PDE4D: variants seen among roughly 807,000 people sequenced by gnomAD.
The protein encoded by PDE4D is phosphodiesterase 4D.
In PDE4D, 24 loss-of-function variants were observed where a neutral mutation model predicts 87.4. The observed-to-expected ratio is 0.27, with a 90% CI of 0.20 to 0.39. The LOEUF is 0.39. PDE4D is among the 10% of genes least tolerant of loss of function. The pLI, the probability that PDE4D is intolerant of heterozygous loss-of-function variation, is 1.00. For missense variants in PDE4D, 714 were observed against 1,041.0 expected (o/e 0.69, Z 4.32); for synonymous variants, 384 against 383.2 (o/e 1.00, Z -0.02).
intron 1 of PDE4D, among the ~76,000 whole-genome samples, chr5:59,416,149 C>A (rs1793572514): frequency 6.6e-6 from 1 of 152,216 alleles, no homozygotes; most frequent in Non-Finnish European, 1.5e-5. Flanking sequence ...AGAAAATGAA[C>A]AACTCAAATT....
At chr5:59,027,879 A>T (rs1756538952) in intron 6 of PDE4D, among the ~76,000 whole-genome samples, 1 of 151,998 alleles carries the variant, frequency 6.6e-6, no homozygotes, top group African/African-American at 2.4e-5. Context: ...CTACTGGGGT[A>T]TGGTAGCTTC....
chr5:59,930,327 G>A (rs1395493675), intron 3 of PDE4D, among the ~76,000 whole-genome samples: 1 of 152,124 alleles, frequency 6.6e-6, no homozygotes, highest in African/African-American at 2.4e-5. Flanking sequence ...CCAATGATAA[G>A]TGCCCTTAGA....
At chr5:59,392,234 T>C (rs1425919772) in intron 1 of PDE4D, among the ~76,000 whole-genome samples, 1 of 151,800 alleles carries the variant, frequency 6.6e-6, no homozygotes, top group Admixed American at 6.6e-5. Flanking sequence ...ACTCTTAATC[T>C]GGGTGGGCAC....
rs376346460 is a variant in PDE4D, at chr5:60,137,731, G to C, written c.42+47826C>G. Among the ~76,000 whole-genome samples, 14 of 152,204 alleles carry C rather than the reference G, an allele frequency of 9.2e-5. No homozygotes were observed. The South Asian group carries it at 2.9e-3, about 32-fold the overall frequency. Reference sequence around the variant, plus strand: ...GATTGCAACAATTTTCTGCCATTCTGTAGGCTGTTTACTCTGTTAATATTT... The same window carrying C: ...GATTGCAACAATTTTCTGCCATTCTCTAGGCTGTTTACTCTGTTAATATTT... On this transcript the variant is annotated intron_variant, in intron 2 of 16. Transcript: ENST00000502484.
chr5:59,118,967 T>A (rs531188154), intron 5 of PDE4D, among the ~76,000 whole-genome samples: 2 of 151,824 alleles, frequency 1.3e-5, no homozygotes, highest in Non-Finnish European at 2.9e-5. Context: ...TAAAGTGGGG[T>A]GGGGAGGATA....
intron 1 of PDE4D, among the ~76,000 whole-genome samples, chr5:60,369,927 A>T (rs1760877378): frequency 6.6e-6 from 1 of 152,208 alleles, no homozygotes; most frequent in Non-Finnish European, 1.5e-5. Flanking sequence ...GAACTGGTAA[A>T]TCATATCCAA....
At chr5:59,838,902 A>T (rs561665891) in intron 1 of PDE4D, among the ~76,000 whole-genome samples, 1 of 151,982 alleles carries the variant, frequency 6.6e-6, no homozygotes, top group Non-Finnish European at 1.5e-5. Context: ...ACAGACACAC[A>T]TCATTAGTTC....
intron 1 of PDE4D, among the ~76,000 whole-genome samples, chr5:59,612,933 G>A (rs781170270): frequency 3.9e-5 from 6 of 152,288 alleles, no homozygotes; most frequent in Non-Finnish European, 8.8e-5. Context: ...GGAAAAAATA[G>A]TAGATTATTA....
rs761626930 is a variant in PDE4D, at chr5:59,180,638, T to C, written c.765A>G (p.Ser255=). The C allele has an allele frequency of 1.2e-6, 2 of 1,613,156 alleles. No homozygotes were observed. The highest frequency in any genetic ancestry group is 1.7e-6 in the Non-Finnish European group (2 of 1,179,474). Residue 255 remains serine, a synonymous_variant, in exon 5 of 15, where the codon TCA becomes TCG. Coordinates refer to ENST00000340635, the MANE Select transcript of PDE4D (RefSeq NM_001104631.2). Reference sequence around the variant, plus strand: ...TGATGGATGGTTGGTTGCACATGGGTGATCTTCTGACAAAGACAGAAAAAC... The same window carrying C: ...TGATGGATGGTTGGTTGCACATGGGCGATCTTCTGACAAAGACAGAAAAAC... ...NLQDRAPSKR[S]PMCNQPSINK...
chr5:60,449,273 G>T (rs1263794863), intron 1 of PDE4D, among the ~76,000 whole-genome samples: 1 of 151,888 alleles, frequency 6.6e-6, no homozygotes, highest in African/African-American at 2.4e-5. Context: ...CACTGAGAAA[G>T]CTTCATTTGG....
intron 2 of PDE4D, among the ~76,000 whole-genome samples, chr5:60,180,907 C>T (rs1429313594): frequency 6.6e-6 from 1 of 152,042 alleles, no homozygotes; most frequent in African/African-American, 2.4e-5. Context: ...ACATCCTTAA[C>T]TTTATTAGGA....
At chr5:60,377,814 AG>A (rs1761545488) in intron 1 of PDE4D, among the ~76,000 whole-genome samples, 1 of 152,232 alleles carries the variant, frequency 6.6e-6, no homozygotes, top group African/African-American at 2.4e-5. Context: ...TGGAAAAAAA[AG>A]CAAAGGCAAA....
chr5:59,969,369 G>A (rs1323114695), intron 3 of PDE4D, among the ~76,000 whole-genome samples: 1 of 152,090 alleles, frequency 6.6e-6, no homozygotes, highest in East Asian at 1.9e-4. Flanking sequence ...TTGGAAGAAT[G>A]GAATTATAAT....
At chr5:59,964,754 ATCAGTAGCCACAG>A (rs1275103949) in intron 3 of PDE4D, among the ~76,000 whole-genome samples, 1 of 152,098 alleles carries the variant, frequency 6.6e-6, no homozygotes, top group African/African-American at 2.4e-5. Flanking sequence ...TCCAATCTCT[ATCAGTAGCCACAG>A]TCATCTTTTT....
chr5:59,592,072 T>G lies in PDE4D; in HGVS notation c.455+301096A>C, dbSNP rs148731461. Reference sequence around the variant, plus strand: ...ATCAGAATGAGACCTGAGGTGGCTGTGCTTCCAACCCCACCTCCCAGCAAG... The same window carrying G: ...ATCAGAATGAGACCTGAGGTGGCTGGGCTTCCAACCCCACCTCCCAGCAAG... On this transcript the variant is annotated intron_variant, in intron 1 of 14. Coordinates refer to ENST00000340635, the MANE Select transcript of PDE4D (RefSeq NM_001104631.2). 7.5e-4 allele frequency: 696 copies of G among 926,950 alleles called. 3 individuals carry two copies. The African/African-American group carries it at 0.011, about 15-fold the overall frequency. The allele number at this position is 926,950 out of a possible 1,614,324, so 57.4% of individuals were successfully genotyped here. A position where few individuals can be genotyped will look rare whatever the true frequency, so the allele number is the denominator to read the frequency against.
intron 2 of PDE4D, among the ~76,000 whole-genome samples, chr5:59,208,468 T>C (rs1749318157): frequency 6.6e-6 from 1 of 152,208 alleles, no homozygotes; most frequent in African/African-American, 2.4e-5. Flanking sequence ...ACTCAATTAA[T>C]TCGTTATTTT....
chr5:59,268,692 C>T (rs528328200), intron 1 of PDE4D, among the ~76,000 whole-genome samples: 1 of 152,196 alleles, frequency 6.6e-6, no homozygotes, highest in South Asian at 2.1e-4. Context: ...ATCTTCCTTA[C>T]CAACCTAGCT....
chr5:59,537,395 A>G (rs925996598), intron 1 of PDE4D, among the ~76,000 whole-genome samples: 7 of 152,252 alleles, frequency 4.6e-5, no homozygotes, highest in Admixed American at 4.6e-4. Flanking sequence ...ATTAAAAAGA[A>G]TATGTTGTCA....
chr5:59,170,418 T>C (rs1782575654), intron 5 of PDE4D, among the ~76,000 whole-genome samples: 1 of 152,204 alleles, frequency 6.6e-6, no homozygotes, highest in Admixed American at 6.5e-5. Context: ...ATTATTATTT[T>C]AAAATACAGT....
Sources: allele counts gnomAD v4.1 joint callset (sites outside exome capture counted in the v4.1 genomes callset), GRCh38; gene constraint gnomAD v4.1.1; transcripts MANE v1.5; gene names NCBI Gene and HGNC (gene_info 2026-07-23, HGNC 2026-07-21).